Variants in IYD observed in about 807,000 individuals in gnomAD.
IYD encodes the protein iodotyrosine deiodinase.
In IYD, 25 loss-of-function variants were observed where a neutral mutation model predicts 28.4. The ratio of observed to expected loss-of-function variants is 0.88; its 90% confidence interval spans 0.64 to 1.23. IYD has a LOEUF of 1.23. IYD is among the 50% of genes most tolerant of loss of function. The probability of loss-of-function intolerance (pLI) is 0.00; values close to 1 mark genes in which losing one functional copy is unlikely to be tolerated. For missense variants in IYD, 352 were observed against 357.9 expected (o/e 0.98, Z 0.13); for synonymous variants, 140 against 130.8 (o/e 1.07, Z -0.48).
chr6:150,386,809 G>C (rs1412637139), intron 1 of IYD, among the ~76,000 whole-genome samples: 1 of 151,612 alleles, frequency 6.6e-6, no homozygotes, highest in East Asian at 1.9e-4. Context: ...AACTAGTATA[G>C]TTATGTGATG....
intron 4 of IYD, 81 bp downstream of exon 4, chr6:150,394,336 T>A (rs549620339): frequency 8.8e-5 from 119 of 1,350,420 alleles, no homozygotes; most frequent in African/African-American, 7.6e-4. Flanking sequence ...CATTTGGAAA[T>A]TTTTTTTTAA....
At chr6:150,396,766 C>T (rs923986414) in intron 4 of IYD, 6 of 198,682 alleles carry the variant, frequency 3.0e-5, no homozygotes, top group South Asian at 2.4e-4. Flanking sequence ...CCCAGCTACT[C>T]GGGAGGCTGA....
At chr6:150,395,902 T>C (rs1778295332) in intron 4 of IYD, 2 of 535,906 alleles carry the variant, frequency 3.7e-6, no homozygotes, top group East Asian at 3.0e-5. Flanking sequence ...GGGGTACCCC[T>C]TGGCCACTGA....
intron 1 of IYD, among the ~76,000 whole-genome samples, chr6:150,388,630 G>GCTTTCTTTCTTTCTTC (rs1554231469): frequency 5.5e-4 from 71 of 129,408 alleles, no homozygotes; most frequent in Non-Finnish European, 7.0e-4. Context: ...TGGAGTTTTT[G>GCTTTCTTTCTTTCTTC]CTTTCTTTCT....
intron 1 of IYD, among the ~76,000 whole-genome samples, chr6:150,379,233 G>T (rs975802302): frequency 6.6e-6 from 1 of 152,082 alleles, no homozygotes; most frequent in Non-Finnish European, 1.5e-5. Context: ...AACCACCCAT[G>T]TTAGCCAGTC....
chr6:150,385,694 G>C (rs1338216291), intron 1 of IYD, among the ~76,000 whole-genome samples: 2 of 151,782 alleles, frequency 1.3e-5, no homozygotes, highest in Non-Finnish European at 2.9e-5. Context: ...TTGGTATCAA[G>C]GTTGTGGTCA....
intron 1 of IYD, among the ~76,000 whole-genome samples, chr6:150,377,431 C>A (rs1478315843): frequency 1.3e-5 from 2 of 152,168 alleles, no homozygotes; most frequent in Non-Finnish European, 2.9e-5. Flanking sequence ...ATTCCCCAGC[C>A]ATAGTATAGA....
intron 1 of IYD, among the ~76,000 whole-genome samples, chr6:150,377,026 A>G (rs892394332): frequency 2.0e-5 from 3 of 152,190 alleles, no homozygotes; most frequent in African/African-American, 4.8e-5. Flanking sequence ...ACCAGAGACC[A>G]GGCAGGTCAG....
rs75556499 is a variant in IYD, at chr6:150,392,634, G to A, written c.530+130G>A. ...CTATTCTGCCTCTTGGAGGAATTAC[G>A]GAAGTTAAGTCCGGGCTCACTCCTG... On this transcript the variant is annotated intron_variant, in intron 3 of 4. Transcript: ENST00000344419. 952 of 923,956 alleles carry A rather than the reference G, an allele frequency of 1.0e-3. 6 individuals carry two copies. The African/African-American group carries it at 0.014, about 13-fold the overall frequency. 57.2% of individuals were successfully genotyped at this position (923,956 alleles called of 1,614,324 possible). A position where few individuals can be genotyped will look rare whatever the true frequency, so the allele number is the denominator to read the frequency against.
At position 150,394,089 on chromosome 6, in the gene IYD, C is replaced by T; in HGVS notation, c.531-10C>T. The T allele has an allele frequency of 6.2e-7, 1 of 1,613,638 alleles. No homozygotes were observed. Among genetic ancestry groups the T allele is most frequent in the Non-Finnish European group, 8.5e-7 (1 of 1,179,628 alleles). On this transcript the variant is annotated splice_polypyrimidine_tract_variant and intron_variant, in intron 3 of 4. Coordinates refer to ENST00000344419, the MANE Select transcript of IYD (RefSeq NM_203395.3). Reference sequence around the variant, plus strand: ...GCAAATATTATCCTGAATCTCTTTTCTCTTCACAGAACCAACTGGATTAAA... The same window carrying T: ...GCAAATATTATCCTGAATCTCTTTTTTCTTCACAGAACCAACTGGATTAAA...
chr6:150,372,993 G>A (rs1179991725), intron 1 of IYD, among the ~76,000 whole-genome samples: 1 of 152,156 alleles, frequency 6.6e-6, no homozygotes, highest in Non-Finnish European at 1.5e-5. Flanking sequence ...GTTAGGCTCA[G>A]ATTCATAGAA....
Position 150,380,369 on chromosome 6 carries a change from C to A in IYD, c.179-8983C>A, listed in dbSNP as rs145718252. Among the ~76,000 whole-genome samples, 235 of 152,254 alleles carry A rather than the reference C, an allele frequency of 1.5e-3. 1 individual carries two copies. Among genetic ancestry groups the A allele is most frequent in the African/African-American group, 5.4e-3 (224 of 41,546 alleles). ...ACCACTGCAAAATCATTGCTATTGG[C>A]ATTTCCTGAGCAGATGTCTAAAAAA... On this transcript the variant is annotated intron_variant, in intron 1 of 4. Transcript: ENST00000344419.
intron 1 of IYD, among the ~76,000 whole-genome samples, chr6:150,377,950 C>T (rs944764076): frequency 1.3e-5 from 2 of 152,132 alleles, no homozygotes; most frequent in African/African-American, 4.8e-5. Context: ...TATTACCACT[C>T]CCCCATCACA....
At chr6:150,389,288 C>T in intron 1 of IYD, 64 bp from the exon 2 acceptor site, 1 of 1,239,810 alleles carries the variant, frequency 8.1e-7, no homozygotes, top group Non-Finnish European at 1.2e-6. Context: ...TCTTCTTCTC[C>T]CCAGCGGTCA....
In IYD at chr6:150,404,049, C is replaced by A. The variant is rs1008982191; in HGVS notation, c.*5812C>A. ...TGGGAGCCTCCTGTTCCCATAGTAA[C>A]CACAGCACTCAGGGCACTGTCTCCC... On this transcript the variant is annotated 3_prime_UTR_variant, in exon 5 of 5. Coordinates refer to ENST00000344419, the MANE Select transcript of IYD (RefSeq NM_203395.3). 3 of 152,214 alleles carry A rather than the reference C, an allele frequency of 2.0e-5. No individual in the cohort carries two copies. The highest frequency in any genetic ancestry group is 4.4e-5 in the Non-Finnish European group (3 of 68,038). 9.4% of individuals were successfully genotyped at this position (152,214 alleles called of 1,614,324 possible). A position where few individuals can be genotyped will look rare whatever the true frequency, so the allele number is the denominator to read the frequency against.
intron 1 of IYD, among the ~76,000 whole-genome samples, chr6:150,382,008 G>C (rs7761906): frequency 0.15 from 22,776 of 152,122 alleles, 3,364 homozygotes; most frequent in African/African-American, 0.37. Context: ...GCAGAGTCAT[G>C]GTGTGAAGGG....
At chr6:150,370,648 C>A (rs1313039923) in intron 1 of IYD, 4 of 985,238 alleles carry the variant, frequency 4.1e-6, no homozygotes, top group Non-Finnish European at 2.4e-6. Context: ...ATCCAGGGAA[C>A]ATCTGCTGTG....
chr6:150,370,515 C>T lies in IYD; in HGVS notation c.178+1306C>T, dbSNP rs904719115. 7 of 985,302 alleles carry T rather than the reference C, an allele frequency of 7.1e-6. No homozygotes were observed. The Admixed American group carries it at 1.8e-4, about 26-fold the overall frequency. 61.0% of individuals were successfully genotyped at this position (985,302 alleles called of 1,614,324 possible). The stretch of plus-strand genomic sequence containing the variant: ...CCAGCTGGCTCTCAGTGCTAACAGC[C>T]TGTAGTGCTGACTGCACCGTACAGG... On this transcript the variant is annotated intron_variant, in intron 1 of 4. Transcript: ENST00000344419.
intron 4 of IYD, chr6:150,396,723 A>C: frequency 3.7e-6 from 1 of 266,740 alleles, no homozygotes; most frequent in Non-Finnish European, 7.0e-6. Context: ...AAATACAAAA[A>C]ATGAGCCAGG....
Sources: allele counts gnomAD v4.1 joint callset (sites outside exome capture counted in the v4.1 genomes callset), GRCh38; gene constraint gnomAD v4.1.1; transcripts MANE v1.5; gene names NCBI Gene and HGNC (gene_info 2026-07-23, HGNC 2026-07-21).